MYRIP: variants seen among roughly 807,000 people sequenced by gnomAD.
MYRIP encodes the protein rab effector MyRIP.
A neutral mutation model predicts 98.0 loss-of-function variants in MYRIP; 49 were observed. The observed-to-expected ratio is 0.50, with a 90% CI of 0.40 to 0.63. The LOEUF (loss-of-function observed/expected upper bound fraction) is 0.63. Among genes scored for constraint, MYRIP ranks in the 30% least tolerant of loss-of-function variants. MYRIP has a pLI of 0.00. For missense variants in MYRIP, 1,004 were observed against 1,058.2 expected, an observed-to-expected ratio of 0.95 and a Z score of 0.71; for synonymous variants, 404 against 409.5, an observed-to-expected ratio of 0.99 and a Z score of 0.16.
rs114153607 is a variant in MYRIP at position 40,087,923 on chromosome 3, C to T, written c.332+43652C>T. Among the ~76,000 whole-genome samples, 277 of 127,094 alleles carry T rather than the reference C, an allele frequency of 2.2e-3. 2 individuals are homozygous for T. Among genetic ancestry groups the T allele is most frequent in the African/African-American group, 7.0e-3 (267 of 38,122 alleles). 83.4% of individuals were successfully genotyped at this position (127,094 alleles called of 152,430 possible). A position where few individuals can be genotyped will look rare whatever the true frequency, so the allele number is the denominator to read the frequency against. ...CTGGGGCACAAAGATGCCTGTGCCT[C>T]ACTACACCATTGTCTTGTGTTTGTA... is the stretch of plus-strand genomic sequence containing the variant. On this transcript the variant is annotated intron_variant, in intron 3 of 16. Transcript: ENST00000302541.
At chr3:39,848,860 G>A (rs1942047071) in intron 1 of MYRIP, among the ~76,000 whole-genome samples, 1 of 151,962 alleles carries the variant, frequency 6.6e-6, no homozygotes, top group African/African-American at 2.4e-5. Context: ...GGGAAACATT[G>A]TGAGTTTTAA....
chr3:39,983,220 A>G (rs1945938448), intron 2 of MYRIP, among the ~76,000 whole-genome samples: 2 of 152,202 alleles, frequency 1.3e-5, no homozygotes, highest in Admixed American at 6.5e-5. Context: ...GTGCCTGTGC[A>G]GTACATGGAG....
At chr3:40,254,767 C>A (rs34922805) in intron 16 of MYRIP, among the ~76,000 whole-genome samples, 5,024 of 152,240 alleles carry the variant, frequency 0.033, 111 homozygotes, top group South Asian at 0.056. Context: ...ACAAAACCAA[C>A]ATACATGTCA....
In MYRIP at chr3:39,922,400, C is replaced by T. The variant is rs186964304; in HGVS notation, c.110+21474C>T. On this transcript the variant is annotated intron_variant, in intron 2 of 16. Coordinates refer to ENST00000302541, the MANE Select transcript of MYRIP (RefSeq NM_015460.4). ...AAGCTGAGACTTTTATCCTTAATGG[C>T]CAGTAATGAGCCCTTCACCTCTCTT... Among the ~76,000 whole-genome samples, 214 of 152,314 alleles carry T rather than the reference C, an allele frequency of 1.4e-3. 7 individuals are homozygous for T. Among genetic ancestry groups the T allele is most frequent in the Admixed American group, 0.012 (179 of 15,302 alleles).
chr3:39,943,197 C>T (rs1944828932), intron 2 of MYRIP, among the ~76,000 whole-genome samples: 1 of 152,172 alleles, frequency 6.6e-6, no homozygotes, highest in African/African-American at 2.4e-5. Context: ...GTGCATTAAA[C>T]TTTTGAACCT....
At chr3:40,092,304 G>A (rs1948748134) in intron 3 of MYRIP, among the ~76,000 whole-genome samples, 1 of 152,132 alleles carries the variant, frequency 6.6e-6, no homozygotes, top group Non-Finnish European at 1.5e-5. Context: ...TGGCTGTTTT[G>A]CATGCTTCCT....
intron 1 of MYRIP, among the ~76,000 whole-genome samples, chr3:39,898,818 T>C (rs1156467653): frequency 6.6e-6 from 1 of 152,178 alleles, no homozygotes; most frequent in East Asian, 1.9e-4. Flanking sequence ...TCTATTATAA[T>C]CATTATTGTT....
At chr3:39,989,788 G>A (rs965013719) in intron 2 of MYRIP, among the ~76,000 whole-genome samples, 26 of 152,366 alleles carry the variant, frequency 1.7e-4, no homozygotes, top group Non-Finnish European at 2.9e-4. Flanking sequence ...CACTCTGTCC[G>A]CAATCTGCCA....
At chr3:40,167,578 G>A (rs1950525307) in intron 7 of MYRIP, among the ~76,000 whole-genome samples, 1 of 152,142 alleles carries the variant, frequency 6.6e-6, no homozygotes, top group Non-Finnish European at 1.5e-5. Flanking sequence ...ACTGAGAAGT[G>A]AAATTCCATT....
intron 2 of MYRIP, among the ~76,000 whole-genome samples, chr3:39,953,037 T>C (rs1945065733): frequency 1.3e-5 from 2 of 152,200 alleles, no homozygotes; most frequent in Non-Finnish European, 2.9e-5. Flanking sequence ...CCCATTCTTT[T>C]GCCTCTGGAA....
chr3:39,997,366 C>T (rs1163144666), intron 2 of MYRIP, among the ~76,000 whole-genome samples: 1 of 151,914 alleles, frequency 6.6e-6, no homozygotes, highest in East Asian at 1.9e-4. Context: ...CCACCGATCC[C>T]ACAGAAATAC....
chr3:39,895,230 A>G (rs940976309), intron 1 of MYRIP, among the ~76,000 whole-genome samples: 1 of 149,220 alleles, frequency 6.7e-6, no homozygotes, highest in African/African-American at 2.5e-5. Flanking sequence ...TCCGTCGCCC[A>G]GGCTGAAGTG....
intron 1 of MYRIP, among the ~76,000 whole-genome samples, chr3:39,889,551 G>A (rs1007758418): frequency 6.6e-6 from 1 of 152,140 alleles, no homozygotes; most frequent in East Asian, 1.9e-4. Flanking sequence ...AGGGAGGAGG[G>A]ATAGCATTGG....
chr3:40,092,637 C>T (rs1948752571), intron 3 of MYRIP, among the ~76,000 whole-genome samples: 1 of 152,116 alleles, frequency 6.6e-6, no homozygotes, highest in Admixed American at 6.5e-5. Flanking sequence ...ATGTCATATA[C>T]ATTAGTTCAA....
At chr3:39,838,095 A>G (rs1334507520) in intron 1 of MYRIP, among the ~76,000 whole-genome samples, 1 of 152,156 alleles carries the variant, frequency 6.6e-6, no homozygotes, top group Non-Finnish European at 1.5e-5. Context: ...TTGCCAGCTT[A>G]AGGAGTTTTT....
At chr3:39,811,552 C>T (rs1033321253) in intron 1 of MYRIP, among the ~76,000 whole-genome samples, 1 of 152,196 alleles carries the variant, frequency 6.6e-6, no homozygotes, top group South Asian at 2.1e-4. Context: ...CGTTCCTTTG[C>T]CTGGCCATGG....
Position 40,204,068 on chromosome 3 carries a change from TATTATATA to T in MYRIP, c.1666-5783_1666-5776del, listed in dbSNP as rs1361733384. On this transcript the variant is annotated intron_variant, in intron 10 of 16. Transcript: ENST00000302541. ...ATATAATATATTTATATATAATAAA[TATTATATA>T]ATATATTTATATATTATATAATATA... 5.7e-3 allele frequency among the ~76,000 whole-genome samples: 36 copies of T among 6,300 alleles called. 1 individual carries two copies. Among genetic ancestry groups the T allele is most frequent in the African/African-American group, 8.5e-3 (35 of 4,128 alleles). The allele number at this position is 6,300 out of a possible 152,430, so 4.1% of individuals were successfully genotyped here. A position where few individuals can be genotyped will look rare whatever the true frequency, so the allele number is the denominator to read the frequency against.
chr3:40,220,781 C>T (rs527383808), intron 11 of MYRIP, among the ~76,000 whole-genome samples: 130 of 152,078 alleles, frequency 8.5e-4, no homozygotes, highest in African/African-American at 3.0e-3. Flanking sequence ...GCAGGCATGT[C>T]TTACATGGCT....
At chr3:40,164,225 A>C (rs919204472) in intron 5 of MYRIP, among the ~76,000 whole-genome samples, 8 of 152,040 alleles carry the variant, frequency 5.3e-5, no homozygotes, top group African/African-American at 1.9e-4. Context: ...TCCACAGCCC[A>C]TATCCTGCAT....
Sources: gnomAD v4.1 joint callset for allele counts (sites outside exome capture counted in the v4.1 genomes callset) on GRCh38, gnomAD v4.1.1 for gene constraint, MANE v1.5 for transcripts, NCBI Gene and HGNC (gene_info 2026-07-23, HGNC 2026-07-21) for gene names.